The following SHC2 variants were observed in gnomAD, a reference collection of about 807,000 sequenced individuals.
The protein encoded by SHC2 is SHC-transforming protein 2.
In SHC2, 62 loss-of-function variants were observed where a neutral mutation model predicts 60.6. The ratio of observed to expected loss-of-function variants is 1.02; its 90% CI spans 0.83 to 1.26. The LOEUF is 1.26. SHC2 is among the 50% of genes most tolerant of loss of function. SHC2 has a pLI of 0.00. For missense variants in SHC2, 873 were observed against 822.2 expected, an observed-to-expected ratio of 1.06 and a Z score of -0.76; for synonymous variants, 375 against 372.4, an observed-to-expected ratio of 1.01 and a Z score of -0.08.
chr19:422,579 C>T lies in SHC2; in HGVS notation c.1310-123G>A, dbSNP rs1046818. ...CGTGCACCCGTCGGCCTGCGCTGAC[C>T]GAGCGCCCACAGCGTATCAGACTCG... On this transcript the variant is annotated intron_variant, in intron 10 of 12. Coordinates refer to ENST00000264554, the MANE Select transcript of SHC2 (RefSeq NM_012435.3). The surrounding 1 kb of genome is among the most constrained non-coding windows in gnomAD (Gnocchi z 5.0). The T allele has an allele frequency of 0.5, 392,615 of 781,668 alleles. 100,071 individuals carry two copies. Among genetic ancestry groups the T allele is most frequent in the Non-Finnish European group, 0.52 (262,036 of 499,886 alleles). 48.4% of individuals were successfully genotyped at this position (781,668 alleles called of 1,614,324 possible).
At chr19:459,133 AG>A (rs1383917223) in intron 1 of SHC2, among the ~76,000 whole-genome samples, 2 of 152,132 alleles carry the variant, frequency 1.3e-5, no homozygotes, top group African/African-American at 4.8e-5. Flanking sequence ...TAAGGTAATA[AG>A]GTCAGACTCC....
At chr19:452,054 C>G (rs1359284431) in intron 1 of SHC2, among the ~76,000 whole-genome samples, 1 of 152,236 alleles carries the variant, frequency 6.6e-6, no homozygotes, top group Non-Finnish European at 1.5e-5. Flanking sequence ...GTGGCGGCCT[C>G]TGTGCTTCCC....
chr19:457,497 G>C (rs1975377916), intron 1 of SHC2, among the ~76,000 whole-genome samples: 1 of 147,346 alleles, frequency 6.8e-6, no homozygotes, highest in African/African-American at 2.6e-5. Context: ...CACGATTTTA[G>C]CTCTGCAGAG....
chr19:439,054 A>G, intron 2 of SHC2, 24 bp from the exon 3 acceptor site: 1 of 1,389,506 alleles, frequency 7.2e-7, no homozygotes, highest in South Asian at 1.2e-5. Flanking sequence ...GAGGGGGCTT[A>G]GAGAGTGTGG....
intron 1 of SHC2, among the ~76,000 whole-genome samples, chr19:447,403 C>T (rs1377927003): frequency 6.6e-6 from 1 of 152,216 alleles, no homozygotes; most frequent in Admixed American, 6.5e-5. Context: ...GTTGCAGAAC[C>T]GTGTGGCTGC....
intron 7 of SHC2, among the ~76,000 whole-genome samples, chr19:435,545 C>T (rs575258081): frequency 4.6e-5 from 7 of 152,362 alleles, no homozygotes; most frequent in African/African-American, 1.7e-4. Flanking sequence ...ACCTGCCCTC[C>T]CACCATTGGA....
In SHC2 at chr19:441,171, GGT is replaced by G. The variant is rs1974856488; in HGVS notation, c.469-241_469-240del. 5 of 984,926 alleles carry G rather than the reference GGT, an allele frequency of 5.1e-6. No homozygotes were observed. Among genetic ancestry groups the G allele is most frequent in the Non-Finnish European group, 6.0e-6 (5 of 829,726 alleles). The allele number at this position is 984,926 out of a possible 1,614,324, so 61.0% of individuals were successfully genotyped here. ...CTGTGTTGCTGTTTCTCAGGAGCCT[GGT>G]GGTTCCCCCAGACGCTCTATGCTGC... On this transcript the variant is annotated intron_variant, in intron 1 of 12. Coordinates refer to ENST00000264554, the MANE Select transcript of SHC2 (RefSeq NM_012435.3). This position sits in a 1 kb window ranked among gnomAD's most constrained non-coding sequence, Gnocchi z 4.9.
intron 11 of SHC2, 151 bp from the exon 12 acceptor site, chr19:419,207 G>T: frequency 1.1e-6 from 1 of 911,120 alleles, no homozygotes; most frequent in Non-Finnish European, 1.6e-6. Context: ...CCAGCCAAAG[G>T]ATCGGCCTCA....
rs545223775 is a variant in SHC2 at position 441,754 on chromosome 19, A to G, written c.469-822T>C. Among the ~76,000 whole-genome samples, 30 of 152,394 alleles carry G rather than the reference A, an allele frequency of 2.0e-4. No individual in the cohort carries two copies. In the South Asian group the frequency reaches 2.3e-3, roughly 12 times the overall value. Reference sequence around the variant, plus strand: ...ACAGAAGGGGTGGTGGCACGATATTATGAATGTACGAAATGCTACTGAACT... The same window carrying G: ...ACAGAAGGGGTGGTGGCACGATATTGTGAATGTACGAAATGCTACTGAACT... On this transcript the variant is annotated intron_variant, in intron 1 of 12. Transcript: ENST00000264554. The surrounding 1 kb of genome is among the most constrained non-coding windows in gnomAD (Gnocchi z 4.9).
intron 1 of SHC2, among the ~76,000 whole-genome samples, chr19:444,618 G>T (rs2145737436): frequency 6.6e-6 from 1 of 152,324 alleles, no homozygotes; most frequent in South Asian, 2.1e-4. Context: ...TGCAAACTCA[G>T]ATGCCTACAG....
intron 1 of SHC2, among the ~76,000 whole-genome samples, chr19:444,209 T>C (rs775583975): frequency 3.3e-5 from 5 of 152,192 alleles, no homozygotes; most frequent in Admixed American, 6.5e-5. Context: ...AACAGATGAA[T>C]GGACTCTAGG....
chr19:435,556 G>T lies in SHC2; in HGVS notation c.953+609C>A, dbSNP rs141736543. 9.2e-5 allele frequency among the ~76,000 whole-genome samples: 14 copies of T among 152,356 alleles called. No individual in the cohort carries two copies. In the East Asian group the frequency reaches 2.7e-3, roughly 29 times the overall value. On this transcript the variant is annotated intron_variant, in intron 7 of 12. Transcript: ENST00000264554. Reference sequence around the variant, plus strand: ...CTGCACCTGCCCTCCCACCATTGGAGGAAGCTGACTTTCTAATGATGAATA... The same window carrying T: ...CTGCACCTGCCCTCCCACCATTGGATGAAGCTGACTTTCTAATGATGAATA...
rs1209499357 is a variant in SHC2 at position 440,850 on chromosome 19, TTGGAGGCTCACC to T, written c.539_539+11del. On this transcript the variant is annotated splice_donor_variant and splice_donor_5th_base_variant and coding_sequence_variant and intron_variant, in exon 2 of 13. Coordinates refer to ENST00000264554, the MANE Select transcript of SHC2 (RefSeq NM_012435.3). LOFTEE classifies it high-confidence loss of function. The surrounding 1 kb of genome is among the most constrained non-coding windows in gnomAD (Gnocchi z 7.0). The stretch of plus-strand genomic sequence containing the variant: ...TCAGCCCTACGCGGCCAGGGCAGGG[TTGGAGGCTCACC>T]TGGTCACCTGCGTGCGCGTGTTAAA... 1 of 1,611,304 alleles carries T rather than the reference TTGGAGGCTCACC, an allele frequency of 6.2e-7. No individual in the cohort carries two copies. The highest frequency in any genetic ancestry group is 8.5e-7 in the Non-Finnish European group (1 of 1,178,756).
At chr19:449,326 C>T (rs551856976) in intron 1 of SHC2, among the ~76,000 whole-genome samples, 2 of 151,940 alleles carry the variant, frequency 1.3e-5, no homozygotes, top group African/African-American at 2.4e-5. Context: ...CCATTGCACT[C>T]CAGCCTGGAT....
In SHC2 at chr19:436,689, G is replaced by T; in HGVS notation, c.721-6C>A. ...ATGTGGTGGTTGGCGATGACCTGTGGCGGCAGGAGGCACACGCGGTCATGG... is the reference window on the plus strand; with the variant it reads ...ATGTGGTGGTTGGCGATGACCTGTGTCGGCAGGAGGCACACGCGGTCATGG... On this transcript the variant is annotated splice_region_variant and splice_polypyrimidine_tract_variant and intron_variant, in intron 4 of 12. Transcript: ENST00000264554. 1.2e-6 allele frequency: 2 copies of T among 1,603,156 alleles called. No homozygotes were observed. Among genetic ancestry groups the T allele is most frequent in the East Asian group, 4.5e-5 (2 of 44,808 alleles).
chr19:425,726 A>G lies in SHC2; in HGVS notation c.1175-495T>C, dbSNP rs1974400169. On this transcript the variant is annotated intron_variant, in intron 9 of 12. Transcript: ENST00000264554. This position sits in a 1 kb window ranked among gnomAD's most constrained non-coding sequence, Gnocchi z 4.1. ...CTTTCTTTTTTTAATTGTATTTTGA[A>G]CGTGTAAAGTGTTTACATGGGGCCG... Among the ~76,000 whole-genome samples the G allele has an allele frequency of 6.6e-6, 1 of 152,024 alleles. No homozygotes were observed. Among genetic ancestry groups the G allele is most frequent in the Non-Finnish European group, 1.5e-5 (1 of 67,988 alleles).
intron 1 of SHC2, among the ~76,000 whole-genome samples, chr19:447,046 C>T (rs893623975): frequency 1.3e-5 from 2 of 152,228 alleles, no homozygotes; most frequent in African/African-American, 2.4e-5. Context: ...ATTGCGTTTA[C>T]TTTTTAAAGG....
chr19:456,359 G>A (rs1006433229), intron 1 of SHC2, among the ~76,000 whole-genome samples: 3 of 152,008 alleles, frequency 2.0e-5, no homozygotes, highest in Admixed American at 2.0e-4. Flanking sequence ...AGGGCCCCTG[G>A]TCCATCAGCA....
chr19:457,306 C>T (rs1447272567), intron 1 of SHC2, among the ~76,000 whole-genome samples: 3 of 146,846 alleles, frequency 2.0e-5, no homozygotes, highest in Admixed American at 6.7e-5. Flanking sequence ...CCTGCACCTG[C>T]TGTACCCCCC....
Sources: allele counts gnomAD v4.1 joint callset (sites outside exome capture counted in the v4.1 genomes callset), GRCh38; gene constraint gnomAD v4.1.1; non-coding constraint Gnocchi (gnomAD v3.1); transcripts MANE v1.5; gene names NCBI Gene and HGNC (gene_info 2026-07-23, HGNC 2026-07-21).